The following LUC7L2 variants were observed in gnomAD, a reference collection of about 807,000 sequenced individuals.
LUC7L2 encodes the protein LUC7 like 2, pre-mRNA splicing factor.
In LUC7L2, 25 loss-of-function variants were observed where a neutral mutation model predicts 52.8. The ratio of observed to expected loss-of-function variants is 0.47; its 90% CI spans 0.34 to 0.66. LUC7L2 has a LOEUF of 0.66. LUC7L2 is among the 30% of genes least tolerant of loss of function. LUC7L2 has a pLI of 0.01. For synonymous variants in LUC7L2, 144 were observed against 160.9 expected, an observed-to-expected ratio of 0.89 and a Z score of 0.80; for missense variants, 328 against 497.8, an observed-to-expected ratio of 0.66 and a Z score of 3.25.
At chr7:139,374,357 T>G in intron 1 of LUC7L2, 1 of 1,429,004 alleles carries the variant, frequency 7.0e-7, no homozygotes, top group Non-Finnish European at 9.6e-7. Context: ...CAGAGTTTAT[T>G]CTATACAAAA....
intron 3 of LUC7L2, among the ~76,000 whole-genome samples, chr7:139,401,049 T>C (rs1794890830): frequency 1.3e-5 from 2 of 152,218 alleles, no homozygotes; most frequent in Non-Finnish European, 2.9e-5. Flanking sequence ...TGAGAATGAA[T>C]TCTTAAAGTT....
intron 1 of LUC7L2, among the ~76,000 whole-genome samples, chr7:139,373,147 T>A (rs891887062): frequency 2.0e-5 from 3 of 152,250 alleles, no homozygotes; most frequent in East Asian, 3.8e-4. Flanking sequence ...TTGGGCCAGA[T>A]ATCTTGACAG....
chr7:139,343,964 A>T (rs1013396730), intron 1 of LUC7L2, among the ~76,000 whole-genome samples: 2 of 148,488 alleles, frequency 1.3e-5, no homozygotes, highest in Non-Finnish European at 3.0e-5. Context: ...TGGGGGGCGT[A>T]TTATGTAGGC....
intron 9 of LUC7L2, among the ~76,000 whole-genome samples, chr7:139,421,081 G>A (rs1351084065): frequency 1.3e-5 from 2 of 152,196 alleles, no homozygotes; most frequent in African/African-American, 2.4e-5. Flanking sequence ...GATTACAGGC[G>A]TGAGTCACCG....
At chr7:139,357,382 A>G (rs894439544), upstream of LUC7L2, among the ~76,000 whole-genome samples, 2 of 152,200 alleles carry the variant, frequency 1.3e-5, no homozygotes, top group African/African-American at 4.8e-5. Flanking sequence ...TATGTATTGT[A>G]TAGACTATTT....
Position 139,417,555 on chromosome 7 carries a change from A to G in LUC7L2, c.827A>G (p.His276Arg), listed in dbSNP as rs762227953. 5 of 1,614,064 alleles carry G rather than the reference A, an allele frequency of 3.1e-6. No individual in the cohort carries two copies. In the African/African-American group the frequency reaches 6.7e-5, roughly 22 times the overall value. The part of the protein sequence containing the change: ...KNPKRSRSRE[H>R]RRHRSRSMSR... ...TCTGGTAGATCCAGGTCCAGAGAGCATCGCAGACATCGATCTCGCTCCATG... is the reference window on the plus strand; with the variant it reads ...TCTGGTAGATCCAGGTCCAGAGAGCGTCGCAGACATCGATCTCGCTCCATG... The change falls in exon 9 of 10, where the codon CAT becomes CGT. Residue 276 changes from histidine to arginine, a missense_variant. Around this residue, in one of 2 missense-constraint regions of LUC7L2, gnomAD observed 195 missense variants for 223.3 expected, o/e 0.87. Coordinates refer to ENST00000354926, the MANE Select transcript of LUC7L2 (RefSeq NM_016019.5).
intron 1 of LUC7L2, chr7:139,374,659 G>T (rs1800617346): frequency 7.5e-7 from 1 of 1,340,216 alleles, no homozygotes; most frequent in African/African-American, 1.5e-5. Flanking sequence ...TTGTTGAACT[G>T]CTCTGAAGCT....
chr7:139,362,424 G>A (rs1301809293), intron 1 of LUC7L2, among the ~76,000 whole-genome samples: 1 of 151,982 alleles, frequency 6.6e-6, no homozygotes, highest in Non-Finnish European at 1.5e-5. Context: ...GTTACCCAGG[G>A]ATAGGGGAAC....
intron 1 of LUC7L2, among the ~76,000 whole-genome samples, chr7:139,360,864 C>T (rs1352443899): frequency 6.6e-6 from 1 of 152,166 alleles, no homozygotes; most frequent in African/African-American, 2.4e-5. Flanking sequence ...AAAATCTGAC[C>T]CAAACCATGG....
intron 8 of LUC7L2, among the ~76,000 whole-genome samples, chr7:139,415,309 G>T (rs975518261): frequency 6.6e-6 from 1 of 151,108 alleles, no homozygotes; most frequent in East Asian, 1.9e-4. Context: ...ACTAAGTTTA[G>T]TGCAGGAACT....
chr7:139,366,342 C>T (rs1231618430), intron 1 of LUC7L2, among the ~76,000 whole-genome samples: 1 of 152,094 alleles, frequency 6.6e-6, no homozygotes, highest in Non-Finnish European at 1.5e-5. Context: ...ATCTTAATAC[C>T]TTAGATTTCT....
At chr7:139,414,111 C>G (rs1382013213) in intron 8 of LUC7L2, among the ~76,000 whole-genome samples, 1 of 152,198 alleles carries the variant, frequency 6.6e-6, no homozygotes. Context: ...TAACTGGGCT[C>G]CTTAGTTCTC....
intron 2 of LUC7L2, among the ~76,000 whole-genome samples, chr7:139,378,691 T>C (rs1800839575): frequency 1.3e-5 from 2 of 152,230 alleles, no homozygotes; most frequent in African/African-American, 4.8e-5. Flanking sequence ...TCACACTCTG[T>C]CCCAAAAAGC....
At chr7:139,398,502 T>C in intron 2 of LUC7L2, 97 bp from the exon 3 acceptor site, 1 of 912,134 alleles carries the variant, frequency 1.1e-6, no homozygotes, top group Non-Finnish European at 1.6e-6. Context: ...AAAGCATCTG[T>C]ATGACTTAAT....
At position 139,344,229 on chromosome 7, in the gene LUC7L2, A is replaced by G. The variant is rs924920146; in HGVS notation, c.-26+3712A>G. On this transcript the variant is annotated intron_variant, in intron 1 of 10. Transcript: ENST00000541170. Reference sequence around the variant, plus strand: ...CCAGAGTTTTCAAGATGGATAAGCAAATTGTAAGAGCGAGAATAGCCATTC... The same window carrying G: ...CCAGAGTTTTCAAGATGGATAAGCAGATTGTAAGAGCGAGAATAGCCATTC... 1.3e-3 allele frequency among the ~76,000 whole-genome samples: 204 copies of G among 152,294 alleles called. 2 individuals are homozygous for G. Among genetic ancestry groups the G allele is most frequent in the Non-Finnish European group, 1.9e-4 (13 of 68,022 alleles).
intron 1 of LUC7L2, among the ~76,000 whole-genome samples, chr7:139,341,938 T>C (rs550728369): frequency 6.6e-6 from 1 of 152,284 alleles, no homozygotes; most frequent in African/African-American, 2.4e-5. Flanking sequence ...TCCTCACCCG[T>C]CCCCTAGAAA....
chr7:139,395,528 A>G (rs1377892640), intron 2 of LUC7L2, among the ~76,000 whole-genome samples: 1 of 152,236 alleles, frequency 6.6e-6, no homozygotes, highest in Non-Finnish European at 1.5e-5. Flanking sequence ...TATAACAGTG[A>G]TGAGTCCTCA....
At chr7:139,416,752 AACTT>A (rs1488604292) in intron 8 of LUC7L2, 1 of 152,028 alleles carries the variant, frequency 6.6e-6, no homozygotes, top group Non-Finnish European at 1.5e-5. Flanking sequence ...GGGCATTAAA[AACTT>A]ACTTCTATGG....
At position 139,381,437 on chromosome 7, in the gene LUC7L2, G is replaced by A. The variant is rs1388449923; in HGVS notation, c.156+5281G>A. 2.0e-5 allele frequency among the ~76,000 whole-genome samples: 3 copies of A among 148,818 alleles called. No homozygotes were observed. In the South Asian group the frequency reaches 6.4e-4, roughly 32 times the overall value. ...ATTTTATTTTATTTCATTGAGACAGGGTCACACTCTTGGCCAGGCTGGAGT... is the reference window on the plus strand; with the variant it reads ...ATTTTATTTTATTTCATTGAGACAGAGTCACACTCTTGGCCAGGCTGGAGT... On this transcript the variant is annotated intron_variant, in intron 2 of 9. Transcript: ENST00000354926.
Sources: allele counts gnomAD v4.1 joint callset (sites outside exome capture counted in the v4.1 genomes callset), GRCh38; gene constraint gnomAD v4.1.1; regional missense constraint gnomAD v4.1.1; transcripts MANE v1.5; gene names NCBI Gene and HGNC (gene_info 2026-07-23, HGNC 2026-07-21).